Variants in ADAMTSL1 observed in about 807,000 individuals in gnomAD.
ADAMTSL1 encodes ADAMTS-like protein 1.
ADAMTSL1 carries 126 observed loss-of-function variants against 201.8 expected under a neutral mutation model. The ratio of observed to expected loss-of-function variants is 0.62; its 90% CI spans 0.54 to 0.72. The LOEUF (loss-of-function observed/expected upper bound fraction) is 0.72, where lower values mean the gene tolerates loss of function less well. Ranked by LOEUF, ADAMTSL1 falls within the 30% of genes least tolerant of loss-of-function variation. ADAMTSL1 has a pLI of 0.00. For synonymous variants in ADAMTSL1, 1,121 were observed against 903.4 expected, an observed-to-expected ratio of 1.24 and a Z score of -4.32; for missense variants, 2,679 against 2,277.8, an observed-to-expected ratio of 1.18 and a Z score of -3.59.
chr9:18,120,277 T>C (rs1825441444), intron 1 of ADAMTSL1, among the ~76,000 whole-genome samples: 1 of 152,136 alleles, frequency 6.6e-6, no homozygotes, highest in Admixed American at 6.5e-5. Flanking sequence ...TGGCCCAGAG[T>C]GAGTGATTCC....
chr9:18,886,457 T>C (rs1473787736), intron 23 of ADAMTSL1, among the ~76,000 whole-genome samples: 1 of 152,032 alleles, frequency 6.6e-6, no homozygotes, highest in Non-Finnish European at 1.5e-5. Flanking sequence ...CCACAGAGGG[T>C]AGCCGCCTGT....
chr9:18,794,947 G>A (rs1822308045), intron 19 of ADAMTSL1, among the ~76,000 whole-genome samples: 7 of 152,310 alleles, frequency 4.6e-5, no homozygotes, highest in Admixed American at 3.9e-4. Context: ...TGGCCAAGAT[G>A]TCTGTCTTGA....
chr9:18,521,621 G>T (rs144447893), intron 2 of ADAMTSL1, among the ~76,000 whole-genome samples: 92 of 152,158 alleles, frequency 6.0e-4, no homozygotes, highest in African/African-American at 2.1e-3. Flanking sequence ...TATAAGCATG[G>T]TTATCTGCAG....
chr9:18,728,780 A>T (rs1208326868), intron 15 of ADAMTSL1, among the ~76,000 whole-genome samples: 1 of 152,186 alleles, frequency 6.6e-6, no homozygotes, highest in African/African-American at 2.4e-5. Flanking sequence ...AGTGGAAGCC[A>T]GTGTTAGAGA....
At chr9:18,348,173 A>G (rs1654697417) in intron 2 of ADAMTSL1, among the ~76,000 whole-genome samples, 1 of 152,174 alleles carries the variant, frequency 6.6e-6, no homozygotes, top group African/African-American at 2.4e-5. Flanking sequence ...CTAATAGGAA[A>G]TTGATTTAGT....
intron 3 of ADAMTSL1, among the ~76,000 whole-genome samples, chr9:18,533,924 T>A (rs1819601192): frequency 6.6e-6 from 1 of 152,186 alleles, no homozygotes; most frequent in Non-Finnish European, 1.5e-5. Flanking sequence ...TGGAGGACTG[T>A]GACTAGCCCA....
intron 18 of ADAMTSL1, 38 bp downstream of exon 18, chr9:18,775,934 C>T (rs1284817634): frequency 3.8e-6 from 6 of 1,566,452 alleles, no homozygotes; most frequent in East Asian, 2.4e-5. Context: ...GGAGATGAAA[C>T]CCACACAGCA....
intron 1 of ADAMTSL1, among the ~76,000 whole-genome samples, chr9:18,492,412 C>T (rs575829578): frequency 6.6e-6 from 1 of 152,206 alleles, no homozygotes; most frequent in East Asian, 1.9e-4. Flanking sequence ...TTTAGCATTT[C>T]TTTTATTATT....
intron 23 of ADAMTSL1, among the ~76,000 whole-genome samples, chr9:18,834,563 A>G (rs1162316359): frequency 6.6e-6 from 1 of 152,176 alleles, no homozygotes; most frequent in African/African-American, 2.4e-5. Context: ...CACAATCAAT[A>G]TAATGAACAT....
intron 2 of ADAMTSL1, among the ~76,000 whole-genome samples, chr9:18,229,741 G>A (rs1407274854): frequency 6.6e-6 from 1 of 151,686 alleles, no homozygotes; most frequent in Admixed American, 6.6e-5. Context: ...TGTTGCCCAG[G>A]CTGGAGTGCA....
At chr9:17,986,152 A>G (rs1320187158) in intron 1 of ADAMTSL1, among the ~76,000 whole-genome samples, 2 of 152,100 alleles carry the variant, frequency 1.3e-5, no homozygotes, top group Non-Finnish European at 2.9e-5. Context: ...CTCTGAGTTC[A>G]TAAGTACAGA....
Position 17,970,913 on chromosome 9 carries a change from A to T in ADAMTSL1, c.87+63991A>T, listed in dbSNP as rs572396943. 2.6e-5 allele frequency among the ~76,000 whole-genome samples: 4 copies of T among 152,172 alleles called. No individual in the cohort carries two copies. The East Asian group carries it at 7.7e-4, about 29-fold the overall frequency. On this transcript the variant is annotated intron_variant, in intron 1 of 29. Coordinates refer to the ADAMTSL1 transcript ENST00000680146. The stretch of plus-strand genomic sequence containing the variant: ...AGCACAGACCTTGGAGCACAGAAAA[A>T]GATTAATTGAATTTATGTATGCAAT...
chr9:18,675,994 G>T, intron 10 of ADAMTSL1, 87 bp downstream of exon 10: 1 of 1,220,706 alleles, frequency 8.2e-7, no homozygotes, highest in South Asian at 1.3e-5. Context: ...CATATACATA[G>T]AGAGAGAGAT....
At chr9:18,473,929 T>G, upstream of ADAMTSL1, 1 of 378,666 alleles carries the variant, frequency 2.6e-6, no homozygotes, top group Non-Finnish European at 4.7e-6. Flanking sequence ...TCGCCTTTCT[T>G]TTTCGTCCTT....
intron 1 of ADAMTSL1, among the ~76,000 whole-genome samples, chr9:18,475,426 A>C (rs562033152): frequency 6.6e-6 from 1 of 152,226 alleles, no homozygotes; most frequent in African/African-American, 2.4e-5. Flanking sequence ...CATCAAATAG[A>C]GTAATCAGAC....
At chr9:18,685,469 G>C (rs1377637757) in intron 13 of ADAMTSL1, among the ~76,000 whole-genome samples, 1 of 152,220 alleles carries the variant, frequency 6.6e-6, no homozygotes, top group Non-Finnish European at 1.5e-5. Flanking sequence ...GATAGGCATA[G>C]CTGCTACATC....
rs1050866327 is a variant in ADAMTSL1, at chr9:18,681,633, G to A, written c.1342-179G>A. ...TTTTCAGCGAGCTTCACCTCAAATA[G>A]CCAAATAGAACAAAGATCCCTTGAC... is the stretch of plus-strand genomic sequence containing the variant. On this transcript the variant is annotated intron_variant, in intron 11 of 28. Coordinates refer to ENST00000380548, the MANE Select transcript of ADAMTSL1 (RefSeq NM_001040272.6). 9 of 425,320 alleles carry A rather than the reference G, an allele frequency of 2.1e-5. No individual in the cohort carries two copies. In the Admixed American group the frequency reaches 3.2e-4, roughly 15 times the overall value. The allele number at this position is 425,320 out of a possible 1,614,324, so 26.3% of individuals were successfully genotyped here. A position where few individuals can be genotyped will look rare whatever the true frequency, so the allele number is the denominator to read the frequency against.
At chr9:18,723,144 T>G in intron 15 of ADAMTSL1, 1 of 735,216 alleles carries the variant, frequency 1.4e-6, no homozygotes, top group South Asian at 1.5e-5. Context: ...CCTTTATGTT[T>G]CCACATCTGC....
At chr9:18,021,246 G>A (rs1820469877) in intron 1 of ADAMTSL1, among the ~76,000 whole-genome samples, 1 of 152,132 alleles carries the variant, frequency 6.6e-6, no homozygotes, top group Admixed American at 6.5e-5. Flanking sequence ...TTTGGCAAGA[G>A]TTACTTTGTT....
Sources: gnomAD v4.1 joint callset for allele counts (sites outside exome capture counted in the v4.1 genomes callset) on GRCh38, gnomAD v4.1.1 for gene constraint, MANE v1.5 for transcripts, NCBI Gene and HGNC (gene_info 2026-07-23, HGNC 2026-07-21) for gene names.